The following MAGI1 variants were observed in gnomAD, a reference collection of about 807,000 sequenced individuals.
The protein encoded by MAGI1 is membrane-associated guanylate kinase, WW and PDZ domain-containing protein 1.
In MAGI1, 58 loss-of-function variants were observed where a neutral mutation model predicts 139.9. The ratio of observed to expected loss-of-function variants is 0.41; its 90% confidence interval spans 0.34 to 0.52. The LOEUF (loss-of-function observed/expected upper bound fraction) is 0.52. Among genes scored for constraint, MAGI1 ranks in the 20% least tolerant of loss-of-function variants. MAGI1 has a pLI of 0.12. For synonymous variants in MAGI1, 812 were observed against 737.9 expected (o/e 1.10, Z -1.63); for missense variants, 1,874 against 1,901.6 (o/e 0.99, Z 0.27).
At chr3:65,943,265 A>G (rs1447414461) in intron 1 of MAGI1, among the ~76,000 whole-genome samples, 1 of 152,026 alleles carries the variant, frequency 6.6e-6, no homozygotes, top group African/African-American at 2.4e-5. Flanking sequence ...ACCTTCACTC[A>G]TGCCCTAGAA....
At chr3:65,588,754 AC>A (rs1220108769) in intron 2 of MAGI1, among the ~76,000 whole-genome samples, 1 of 152,144 alleles carries the variant, frequency 6.6e-6, no homozygotes, top group Non-Finnish European at 1.5e-5. Context: ...TAATTATTGT[AC>A]CCTTGGTACC....
chr3:65,819,435 G>T (rs545064456), intron 1 of MAGI1, among the ~76,000 whole-genome samples: 1 of 152,126 alleles, frequency 6.6e-6, no homozygotes, highest in South Asian at 2.1e-4. Flanking sequence ...CCTCACATTG[G>T]TCATCCTAGT....
intron 1 of MAGI1, among the ~76,000 whole-genome samples, chr3:65,819,958 A>C (rs1322846106): frequency 7.6e-6 from 1 of 130,888 alleles, no homozygotes; most frequent in Admixed American, 8.8e-5. Flanking sequence ...GAAATTGCTA[A>C]GCAGAATTAT....
chr3:65,558,467 T>C (rs1454208589), intron 2 of MAGI1, among the ~76,000 whole-genome samples: 5 of 152,202 alleles, frequency 3.3e-5, no homozygotes, highest in East Asian at 3.9e-4. Flanking sequence ...CTGGGCAACA[T>C]AGCATGACCC....
chr3:65,808,630 C>CA (rs1242143903), intron 1 of MAGI1, among the ~76,000 whole-genome samples: 2 of 152,196 alleles, frequency 1.3e-5, no homozygotes, highest in East Asian at 3.8e-4. Flanking sequence ...AGCACGCTCT[C>CA]AGCAGGAACT....
chr3:65,950,080 AAAAAAAAAACAAAC>A (rs1420376433), intron 1 of MAGI1, among the ~76,000 whole-genome samples: 1 of 70,164 alleles, frequency 1.4e-5, no homozygotes, highest in African/African-American at 4.3e-5. Flanking sequence ...AAAAAAAACA[AAAAAAAAAACAAAC>A]AAAAAAAAAA....
At chr3:65,559,982 G>A (rs1203281360) in intron 2 of MAGI1, among the ~76,000 whole-genome samples, 1 of 152,126 alleles carries the variant, frequency 6.6e-6, no homozygotes, top group Non-Finnish European at 1.5e-5. Flanking sequence ...GCTACAATGA[G>A]CCAAGATTGC....
chr3:65,616,314 T>C (rs2083366726), intron 2 of MAGI1, among the ~76,000 whole-genome samples: 1 of 151,896 alleles, frequency 6.6e-6, no homozygotes, highest in Admixed American at 6.6e-5. Context: ...TCATGATGGG[T>C]AGAAGAGAAG....
intron 12 of MAGI1, among the ~76,000 whole-genome samples, chr3:65,404,670 A>G (rs1945190892): frequency 6.6e-6 from 1 of 152,234 alleles, no homozygotes; most frequent in Non-Finnish European, 1.5e-5. Context: ...TTTATAATTT[A>G]TTTTAGCCCA....
chr3:65,514,377 C>A (rs1249510181), intron 2 of MAGI1, among the ~76,000 whole-genome samples: 16 of 77,750 alleles, frequency 2.1e-4, no homozygotes, highest in Non-Finnish European at 2.9e-4. Flanking sequence ...AGGCAACCTA[C>A]AAAATGGGAG....
intron 1 of MAGI1, among the ~76,000 whole-genome samples, chr3:65,884,917 AC>A (rs1226268364): frequency 6.6e-6 from 1 of 152,178 alleles, no homozygotes; most frequent in African/African-American, 2.4e-5. Context: ...AAGATCTAAA[AC>A]CAAGTAATTC....
chr3:65,964,546 C>A (rs1227475725), intron 1 of MAGI1, among the ~76,000 whole-genome samples: 1 of 152,170 alleles, frequency 6.6e-6, no homozygotes, highest in African/African-American at 2.4e-5. Context: ...GGGGGAACCA[C>A]CATCTCTTTC....
chr3:65,646,495 G>C, intron 1 of MAGI1, among the ~76,000 whole-genome samples: 1 of 152,004 alleles, frequency 6.6e-6, no homozygotes, highest in East Asian at 1.9e-4. Flanking sequence ...TCAATAATTG[G>C]TAGAATTAGA....
chr3:65,791,988 G>A (rs997422497), intron 1 of MAGI1, among the ~76,000 whole-genome samples: 1 of 151,952 alleles, frequency 6.6e-6, no homozygotes, highest in Non-Finnish European at 1.5e-5. Flanking sequence ...CCCAGTGAAT[G>A]CCTGAAACCA....
chr3:65,729,945 C>CTG (rs1305942180), intron 1 of MAGI1, among the ~76,000 whole-genome samples: 5 of 152,140 alleles, frequency 3.3e-5, no homozygotes, highest in African/African-American at 7.2e-5. Flanking sequence ...ATAAGAGATG[C>CTG]TGTATTACTT....
At chr3:65,883,600 T>C (rs1157098221) in intron 1 of MAGI1, among the ~76,000 whole-genome samples, 1 of 152,204 alleles carries the variant, frequency 6.6e-6, no homozygotes, top group Non-Finnish European at 1.5e-5. Flanking sequence ...TTATTAATAT[T>C]CACAAGTTTC....
intron 2 of MAGI1, among the ~76,000 whole-genome samples, chr3:65,594,207 C>CA (rs1284292896): frequency 6.6e-6 from 1 of 152,294 alleles, no homozygotes; most frequent in East Asian, 1.9e-4. Flanking sequence ...GTCATCAACT[C>CA]ACTAGATTCT....
intron 1 of MAGI1, among the ~76,000 whole-genome samples, chr3:65,655,868 T>C (rs1241278936): frequency 6.6e-6 from 1 of 152,224 alleles, no homozygotes; most frequent in Non-Finnish European, 1.5e-5. Flanking sequence ...CCAACTCCAG[T>C]TCAGTTCCCA....
At chr3:65,549,621 G>A (rs2079719674) in intron 2 of MAGI1, 3 of 288,590 alleles carry the variant, frequency 1.0e-5, no homozygotes, top group African/African-American at 2.3e-5. Context: ...TCCGGGCTGC[G>A]GCTGGTACCC....
Sources: gnomAD v4.1 joint callset for allele counts (sites outside exome capture counted in the v4.1 genomes callset) on GRCh38, gnomAD v4.1.1 for gene constraint, MANE v1.5 for transcripts, NCBI Gene and HGNC (gene_info 2026-07-23, HGNC 2026-07-21) for gene names.